DDX10: variants seen among roughly 807,000 people sequenced by gnomAD.
The protein encoded by DDX10 is probable ATP-dependent RNA helicase DDX10.
A neutral mutation model predicts 104.3 loss-of-function variants in DDX10; 74 were observed. The ratio of observed to expected loss-of-function variants is 0.71; its 90% confidence interval spans 0.59 to 0.86. The LOEUF (loss-of-function observed/expected upper bound fraction) is 0.86. DDX10 is among the 40% of genes least tolerant of loss of function. DDX10 has a pLI of 0.00. For synonymous variants in DDX10, 351 were observed against 353.4 expected (o/e 0.99, Z 0.08); for missense variants, 952 against 1,040.0 (o/e 0.92, Z 1.16).
intron 16 of DDX10, among the ~76,000 whole-genome samples, chr11:108,887,593 A>C (rs1168110233): frequency 2.0e-5 from 3 of 151,850 alleles, no homozygotes; most frequent in Non-Finnish European, 4.4e-5. Flanking sequence ...AAAAAAAAAA[A>C]AACAAACCAG....
intron 16 of DDX10, among the ~76,000 whole-genome samples, chr11:108,882,463 G>T (rs185903815): frequency 6.6e-6 from 1 of 152,306 alleles, no homozygotes; most frequent in East Asian, 1.9e-4. Context: ...ATGTTGGGCT[G>T]AAATGAGCTC....
At chr11:108,877,408 G>A (rs1312208227) in intron 16 of DDX10, among the ~76,000 whole-genome samples, 1 of 152,098 alleles carries the variant, frequency 6.6e-6, no homozygotes, top group African/African-American at 2.4e-5. Context: ...GACAGCACGA[G>A]TGGAATCTCA....
At position 108,917,204 on chromosome 11, in the gene DDX10, A is replaced by G. The variant is rs567697322; in HGVS notation, c.2305-669A>G. On this transcript the variant is annotated intron_variant, in intron 16 of 17. Coordinates refer to ENST00000322536, the MANE Select transcript of DDX10 (RefSeq NM_004398.4). ...CTCAGCCCCTGGAGTAGCTAGGACT[A>G]CAGACACATGCCACCATGCCCAGCT... Among the ~76,000 whole-genome samples, 4 of 151,002 alleles carry G rather than the reference A, an allele frequency of 2.6e-5. No homozygotes were observed. The South Asian group carries it at 8.4e-4, about 32-fold the overall frequency.
chr11:108,928,248 G>T (rs969884612), intron 17 of DDX10, among the ~76,000 whole-genome samples: 1 of 152,110 alleles, frequency 6.6e-6, no homozygotes, highest in Admixed American at 6.5e-5. Flanking sequence ...AGGAGTTCTC[G>T]CTACATGGAA....
At position 108,823,765 on chromosome 11, in the gene DDX10, C is replaced by T. The variant is rs546318738; in HGVS notation, c.1966-14681C>T. ...GAATTTACAGAAACTCTGCTTTAAGCCGCACTAACCAGGCTGTCAAGTAAT... is the reference window on the plus strand; with the variant it reads ...GAATTTACAGAAACTCTGCTTTAAGTCGCACTAACCAGGCTGTCAAGTAAT... On this transcript the variant is annotated intron_variant, in intron 13 of 17. Transcript: ENST00000322536. Among the ~76,000 whole-genome samples, 101 of 152,324 alleles carry T rather than the reference C, an allele frequency of 6.6e-4. 2 individuals carry two copies. The South Asian group carries it at 0.014, about 21-fold the overall frequency.
intron 13 of DDX10, among the ~76,000 whole-genome samples, chr11:108,747,642 C>T (rs1428065914): frequency 2.0e-5 from 3 of 152,106 alleles, no homozygotes; most frequent in Non-Finnish European, 4.4e-5. Context: ...TTTCTCTGGC[C>T]TAATCCCCAT....
intron 13 of DDX10, among the ~76,000 whole-genome samples, chr11:108,835,522 A>G (rs536715736): frequency 7.2e-5 from 11 of 152,372 alleles, no homozygotes; most frequent in Admixed American, 2.0e-4. Context: ...TTTTGAACAA[A>G]GAATTGGACA....
chr11:108,910,539 C>G (rs565990266), intron 16 of DDX10, among the ~76,000 whole-genome samples: 1 of 152,194 alleles, frequency 6.6e-6, no homozygotes, highest in Non-Finnish European at 1.5e-5. Context: ...TTTCACCTGA[C>G]CTACTTGTAA....
At chr11:108,751,715 C>T (rs1288305657) in intron 13 of DDX10, among the ~76,000 whole-genome samples, 3 of 152,034 alleles carry the variant, frequency 2.0e-5, no homozygotes, top group South Asian at 2.1e-4. Flanking sequence ...GTGAGTAGTT[C>T]GATAACCTAA....
intron 16 of DDX10, among the ~76,000 whole-genome samples, chr11:108,882,468 G>T (rs1591109011): frequency 6.6e-6 from 1 of 152,282 alleles, no homozygotes; most frequent in Non-Finnish European, 1.5e-5. Flanking sequence ...GGGCTGAAAT[G>T]AGCTCAGCAA....
chr11:108,762,622 C>T (rs1179146318), intron 13 of DDX10, among the ~76,000 whole-genome samples: 3 of 152,090 alleles, frequency 2.0e-5, no homozygotes, highest in Non-Finnish European at 2.9e-5. Context: ...AGAGGTTCTC[C>T]AAACATCTTA....
chr11:108,793,871 C>T (rs1446708669), intron 13 of DDX10, among the ~76,000 whole-genome samples: 2 of 120,820 alleles, frequency 1.7e-5, no homozygotes, highest in African/African-American at 6.3e-5. Flanking sequence ...TATTTTTTAC[C>T]TCCATGAGAT....
chr11:108,909,234 C>T (rs1286385231), intron 16 of DDX10, among the ~76,000 whole-genome samples: 1 of 152,218 alleles, frequency 6.6e-6, no homozygotes, highest in Non-Finnish European at 1.5e-5. Flanking sequence ...ATTATAAAAG[C>T]CCTTGAAAAG....
chr11:108,679,515 T>G lies in DDX10; in HGVS notation c.803T>G (p.Leu268Trp), dbSNP rs775735086. The G allele has an allele frequency of 1.2e-6, 2 of 1,612,430 alleles. No individual in the cohort carries two copies. The highest frequency in any genetic ancestry group is 2.2e-5 in the South Asian group (2 of 90,506). Residue 268 changes from leucine (L) to tryptophan (W), a missense_variant, in exon 6 of 18, where the codon TTG (leucine) becomes TGG (tryptophan). Physicochemically the swap from Leu to Trp is moderately conservative, Grantham distance 61. Around this residue, in one of 3 missense-constraint regions of DDX10, gnomAD observed 412 missense variants for 479.2 expected, o/e 0.86. Transcript: ENST00000322536. The stretch of plus-strand genomic sequence containing the variant: ...GTAAAGGACCTTGCACGCTTGAGTT[T>G]GAAAAACCCTGAGTATGTCTGGGTT... ...KSVKDLARLS[L>W]KNPEYVWVHE...
intron 13 of DDX10, among the ~76,000 whole-genome samples, chr11:108,809,131 A>G (rs901829808): frequency 2.1e-4 from 32 of 152,182 alleles, no homozygotes; most frequent in Admixed American, 4.6e-4. Context: ...GGAGAATACA[A>G]ACTCTTATAT....
At chr11:108,681,361 G>T (rs1379676898) in intron 6 of DDX10, among the ~76,000 whole-genome samples, 9 of 152,214 alleles carry the variant, frequency 5.9e-5, no homozygotes, top group African/African-American at 1.9e-4. Flanking sequence ...AATTTTGGAA[G>T]GTAGACATGT....
At chr11:108,713,425 C>T (rs1245584403) in intron 10 of DDX10, among the ~76,000 whole-genome samples, 1 of 152,120 alleles carries the variant, frequency 6.6e-6, no homozygotes, top group African/African-American at 2.4e-5. Context: ...CTTCCCTCAG[C>T]TGTGTCCAAT....
intron 13 of DDX10, among the ~76,000 whole-genome samples, chr11:108,759,547 G>A (rs2094348236): frequency 6.6e-6 from 1 of 151,982 alleles, no homozygotes; most frequent in Admixed American, 6.6e-5. Context: ...GATCTAGAAT[G>A]TGCATTTAGA....
chr11:108,681,020 GACAATTA>G (rs979543603), intron 6 of DDX10, among the ~76,000 whole-genome samples: 13 of 152,092 alleles, frequency 8.5e-5, no homozygotes, highest in Admixed American at 2.0e-4. Context: ...AAATTTTTGT[GACAATTA>G]ACAATTAACT....
Sources: allele counts gnomAD v4.1 joint callset (sites outside exome capture counted in the v4.1 genomes callset), GRCh38; gene constraint gnomAD v4.1.1; regional missense constraint gnomAD v4.1.1; transcripts MANE v1.5; gene names NCBI Gene and HGNC (gene_info 2026-07-23, HGNC 2026-07-21).